The following ZNF385D variants were observed in gnomAD, a reference collection of about 807,000 sequenced individuals.
ZNF385D encodes the protein zinc finger protein 385D, also known as zinc finger protein 659.
Under a neutral mutation model 35.8 loss-of-function variants are expected in ZNF385D, and 15 were observed. That is an observed-to-expected ratio of 0.42 (90% CI 0.28 to 0.64). The LOEUF is 0.64. Ranked by LOEUF, ZNF385D falls within the 30% of genes least tolerant of loss-of-function variation. The pLI, the probability that ZNF385D is intolerant of heterozygous loss-of-function variation, is 0.23. For missense variants in ZNF385D, 474 were observed against 494.6 expected, an observed-to-expected ratio of 0.96 and a Z score of 0.39; for synonymous variants, 212 against 186.8, an observed-to-expected ratio of 1.13 and a Z score of -1.10.
At chr3:22,106,688 T>G (rs1469083749) in intron 3 of ZNF385D, among the ~76,000 whole-genome samples, 1 of 152,172 alleles carries the variant, frequency 6.6e-6, no homozygotes, top group Admixed American at 6.5e-5. Flanking sequence ...ACCTACTACT[T>G]GTTGGTTGTA....
At chr3:22,169,164 T>G (rs1706524400) in intron 2 of ZNF385D, 1 of 230,246 alleles carries the variant, frequency 4.3e-6, no homozygotes, top group Non-Finnish European at 7.2e-6. Context: ...ACTCTCATTT[T>G]AATAGATTGC....
chr3:21,960,058 A>T (rs1702500519), intron 3 of ZNF385D, among the ~76,000 whole-genome samples: 1 of 151,512 alleles, frequency 6.6e-6, no homozygotes, highest in South Asian at 2.1e-4. Context: ...GACTATTTTA[A>T]GCCAAAAATC....
At chr3:21,525,619 G>A (rs569572084) in intron 3 of ZNF385D, among the ~76,000 whole-genome samples, 1 of 148,198 alleles carries the variant, frequency 6.7e-6, no homozygotes, top group Admixed American at 6.9e-5. Context: ...GGGAGGCGGA[G>A]GTTGCAGAGA....
At chr3:22,021,221 A>C (rs1697207186) in intron 3 of ZNF385D, among the ~76,000 whole-genome samples, 1 of 151,994 alleles carries the variant, frequency 6.6e-6, no homozygotes, top group Admixed American at 6.6e-5. Context: ...TACATGAAAC[A>C]AAATAGTACT....
At chr3:21,760,731 G>T (rs1016673458) in intron 3 of ZNF385D, among the ~76,000 whole-genome samples, 1 of 152,000 alleles carries the variant, frequency 6.6e-6, no homozygotes, top group African/African-American at 2.4e-5. Flanking sequence ...AAGAAATCTG[G>T]GCTTTTTCAC....
intron 3 of ZNF385D, among the ~76,000 whole-genome samples, chr3:21,937,273 A>G (rs931303344): frequency 5.9e-5 from 9 of 152,184 alleles, no homozygotes; most frequent in Admixed American, 5.9e-4. Context: ...GATCCAGAAC[A>G]TCTTCAATCA....
At chr3:21,751,243 C>A, upstream of ZNF385D, 4 of 1,157,334 alleles carry the variant, frequency 3.5e-6, no homozygotes, top group South Asian at 1.0e-4. Context: ...TCCACCCCAC[C>A]CCACCCCACC....
intron 2 of ZNF385D, among the ~76,000 whole-genome samples, chr3:21,616,383 G>A (rs2125802290): frequency 6.6e-6 from 1 of 152,282 alleles, no homozygotes; most frequent in East Asian, 1.9e-4. Flanking sequence ...CACTGATAGT[G>A]CTAAATTAGT....
At chr3:21,899,938 A>G (rs1027051067) in intron 3 of ZNF385D, among the ~76,000 whole-genome samples, 1 of 152,188 alleles carries the variant, frequency 6.6e-6, no homozygotes, top group South Asian at 2.1e-4. Context: ...CCTTCTAAGT[A>G]AAAGACCAAA....
intron 3 of ZNF385D, among the ~76,000 whole-genome samples, chr3:22,098,582 C>T (rs1035113028): frequency 6.6e-6 from 1 of 152,000 alleles, no homozygotes; most frequent in Non-Finnish European, 1.5e-5. Context: ...TTTAAAGTTT[C>T]TATTTTTATT....
chr3:22,115,672 G>C (rs1479898574), intron 3 of ZNF385D, among the ~76,000 whole-genome samples: 1 of 152,056 alleles, frequency 6.6e-6, no homozygotes, highest in African/African-American at 2.4e-5. Context: ...ATATTGAGAA[G>C]TTTAGTAGCT....
chr3:22,325,509 G>T (rs771649218), intron 2 of ZNF385D, among the ~76,000 whole-genome samples: 8 of 152,144 alleles, frequency 5.3e-5, no homozygotes, highest in Non-Finnish European at 1.0e-4. Flanking sequence ...CACGCCTATA[G>T]TCCCAGCACC....
At chr3:21,757,038 G>A (rs2070369518) in intron 3 of ZNF385D, among the ~76,000 whole-genome samples, 1 of 150,016 alleles carries the variant, frequency 6.7e-6, no homozygotes, top group African/African-American at 2.5e-5. Flanking sequence ...CTAACATTGT[G>A]CTAAGAATAA....
At chr3:22,206,339 TCAA>T (rs1467584196) in intron 2 of ZNF385D, among the ~76,000 whole-genome samples, 1 of 151,938 alleles carries the variant, frequency 6.6e-6, no homozygotes, top group East Asian at 1.9e-4. Flanking sequence ...GCTAGAGACT[TCAA>T]CATCCCACTG....
In ZNF385D at chr3:21,895,978, G is replaced by T. The variant is rs74579594; in HGVS notation, c.326-230950C>A. ...CAAATGATGTCACCAAAATTTTTGC[G>T]GTTTCGACAATGACAATTATTTTAA... On this transcript the variant is annotated intron_variant, in intron 3 of 5. Coordinates refer to the ZNF385D transcript ENST00000494108. Among the ~76,000 whole-genome samples, 1,435 of 152,098 alleles carry T rather than the reference G, an allele frequency of 9.4e-3. 17 individuals carry two copies. The highest frequency in any genetic ancestry group is 0.017 in the Non-Finnish European group (1,131 of 67,988).
chr3:21,806,528 T>C (rs1022195356), intron 3 of ZNF385D, among the ~76,000 whole-genome samples: 4 of 152,190 alleles, frequency 2.6e-5, no homozygotes, highest in Admixed American at 6.5e-5. Flanking sequence ...TTATAGTTAA[T>C]TGGGGTCACA....
chr3:21,853,911 G>T (rs1006021536), intron 3 of ZNF385D, among the ~76,000 whole-genome samples: 1 of 151,700 alleles, frequency 6.6e-6, no homozygotes, highest in Non-Finnish European at 1.5e-5. Context: ...TATAATAATA[G>T]AAATGAGAAG....
At chr3:21,516,666 A>C (rs1707586802) in intron 3 of ZNF385D, among the ~76,000 whole-genome samples, 1 of 152,154 alleles carries the variant, frequency 6.6e-6, no homozygotes, top group East Asian at 1.9e-4. Flanking sequence ...CCTGAAGTCA[A>C]AGTCATCTCT....
chr3:21,840,498 C>G (rs1179846031), intron 3 of ZNF385D, among the ~76,000 whole-genome samples: 1 of 152,034 alleles, frequency 6.6e-6, no homozygotes, highest in Non-Finnish European at 1.5e-5. Flanking sequence ...CTTTAGCAAA[C>G]ACAAGAATAA....
Sources: allele counts gnomAD v4.1 joint callset (sites outside exome capture counted in the v4.1 genomes callset), GRCh38; gene constraint gnomAD v4.1.1; transcripts MANE v1.5; gene names NCBI Gene and HGNC (gene_info 2026-07-23, HGNC 2026-07-21).